CADPS: variants seen among roughly 807,000 people sequenced by gnomAD.
CADPS encodes calcium-dependent secretion activator 1.
Under a neutral mutation model 167.3 loss-of-function variants are expected in CADPS, and 57 were observed. That is an observed-to-expected ratio of 0.34 (90% CI 0.28 to 0.42). CADPS has a LOEUF of 0.42. Ranked by LOEUF, CADPS falls within the 20% of genes least tolerant of loss-of-function variation. The pLI is 1.00. For synonymous variants in CADPS, 676 were observed against 635.3 expected (o/e 1.06, Z -0.96); for missense variants, 1,414 against 1,738.1 (o/e 0.81, Z 3.32).
At chr3:62,826,384 T>C (rs2074038527) in intron 1 of CADPS, among the ~76,000 whole-genome samples, 1 of 152,162 alleles carries the variant, frequency 6.6e-6, no homozygotes, top group Non-Finnish European at 1.5e-5. Context: ...GTCCATTTCC[T>C]GGTTGTGATA....
At position 62,691,413 on chromosome 3, in the gene CADPS, T is replaced by C. The variant is rs1280912281; in HGVS notation, c.889-29019A>G. Among the ~76,000 whole-genome samples the C allele has an allele frequency of 2.0e-5, 3 of 152,108 alleles. No individual in the cohort carries two copies. The East Asian group carries it at 5.8e-4, about 30-fold the overall frequency. On this transcript the variant is annotated intron_variant, in intron 3 of 29. Coordinates refer to ENST00000383710, the MANE Select transcript of CADPS (RefSeq NM_003716.4). Reference sequence around the variant, plus strand: ...GGGATGTTGGTAGTAGGGGAGGCTGTGTCTGTGTAGGGGAAGGAGGAATAT... The same window carrying C: ...GGGATGTTGGTAGTAGGGGAGGCTGCGTCTGTGTAGGGGAAGGAGGAATAT...
intron 11 of CADPS, 95 bp downstream of exon 11, chr3:62,549,808 T>G: frequency 1.1e-6 from 1 of 946,602 alleles, no homozygotes; most frequent in South Asian, 1.7e-5. Flanking sequence ...ATTTTATAAA[T>G]TTTAAGTATA....
At chr3:62,741,413 A>G (rs1215194302) in intron 3 of CADPS, among the ~76,000 whole-genome samples, 1 of 152,220 alleles carries the variant, frequency 6.6e-6, no homozygotes, top group African/African-American at 2.4e-5. Context: ...CACATCAAAA[A>G]GCTAATCCAT....
intron 1 of CADPS, among the ~76,000 whole-genome samples, chr3:62,858,221 C>G (rs1559961918): frequency 6.6e-6 from 1 of 152,164 alleles, no homozygotes; most frequent in African/African-American, 2.4e-5. Context: ...TTATTGTCAT[C>G]AGGAACTCAA....
At chr3:62,746,720 G>T (rs1397161880) in intron 3 of CADPS, among the ~76,000 whole-genome samples, 1 of 152,134 alleles carries the variant, frequency 6.6e-6, no homozygotes, top group Non-Finnish European at 1.5e-5. Flanking sequence ...TGGATCTGGA[G>T]ATTCTACAGC....
intron 4 of CADPS, among the ~76,000 whole-genome samples, chr3:62,661,143 A>G (rs2073109626): frequency 6.6e-6 from 1 of 152,196 alleles, no homozygotes; most frequent in African/African-American, 2.4e-5. Context: ...GATAGCAATA[A>G]TGGTAGATAA....
chr3:62,821,108 A>G (rs1576880402), intron 1 of CADPS, among the ~76,000 whole-genome samples: 1 of 151,952 alleles, frequency 6.6e-6, no homozygotes, highest in East Asian at 1.9e-4. Flanking sequence ...CTTCTTCCTC[A>G]TCTTAAACAT....
chr3:62,484,402 A>G (rs917426217), intron 21 of CADPS, among the ~76,000 whole-genome samples: 3 of 152,198 alleles, frequency 2.0e-5, no homozygotes, highest in Non-Finnish European at 4.4e-5. Context: ...GCTGATGACT[A>G]TAATGAATTA....
At chr3:62,569,335 C>T (rs927554776) in intron 9 of CADPS, among the ~76,000 whole-genome samples, 3 of 152,214 alleles carry the variant, frequency 2.0e-5, no homozygotes, top group African/African-American at 7.2e-5. Flanking sequence ...CTCCTGATCT[C>T]AGGTGATCCA....
At chr3:62,758,646 C>T (rs1327406932) in intron 2 of CADPS, among the ~76,000 whole-genome samples, 3 of 152,184 alleles carry the variant, frequency 2.0e-5, no homozygotes, top group Non-Finnish European at 4.4e-5. Flanking sequence ...TTAGTGGCTG[C>T]CACAAGAGAC....
chr3:62,423,297 A>G (rs998589101), intron 28 of CADPS, among the ~76,000 whole-genome samples: 1 of 152,214 alleles, frequency 6.6e-6, no homozygotes, highest in Non-Finnish European at 1.5e-5. Flanking sequence ...ATTTTCATTA[A>G]GGGGTCTCTC....
intron 22 of CADPS, among the ~76,000 whole-genome samples, chr3:62,480,414 C>CT (rs1193614098): frequency 3.3e-5 from 5 of 151,996 alleles, no homozygotes; most frequent in Non-Finnish European, 7.4e-5. Flanking sequence ...TTTTTAGAAG[C>CT]TTTTTTTCAG....
At chr3:62,430,622 G>T (rs905256599) in intron 28 of CADPS, among the ~76,000 whole-genome samples, 4 of 151,934 alleles carry the variant, frequency 2.6e-5, no homozygotes, top group African/African-American at 9.7e-5. Flanking sequence ...GTTTTCCTCT[G>T]CCAAGGAAAC....
intron 13 of CADPS, among the ~76,000 whole-genome samples, chr3:62,518,505 G>A (rs1181475655): frequency 6.6e-6 from 1 of 152,200 alleles, no homozygotes; most frequent in African/African-American, 2.4e-5. Flanking sequence ...TGGCTTGAAG[G>A]TTAAGTCCAG....
chr3:62,442,063 AAAT>A (rs1408132719), intron 27 of CADPS, among the ~76,000 whole-genome samples: 1 of 152,214 alleles, frequency 6.6e-6, no homozygotes, highest in Non-Finnish European at 1.5e-5. Flanking sequence ...GCCCATTAAA[AAAT>A]AATAATAAAA....
In CADPS at chr3:62,515,983, T is replaced by C. The variant is rs1018694079; in HGVS notation, c.2581+76A>G. On this transcript the variant is annotated intron_variant, in intron 16 of 29. Coordinates refer to ENST00000383710, the MANE Select transcript of CADPS (RefSeq NM_003716.4). ...ACGGACCACTGTTTTCAGGTGCCCT[T>C]GAGAAAAGAGAAAGACTTCCCCAGG... 21 of 1,570,472 alleles carry C rather than the reference T, an allele frequency of 1.3e-5. No homozygotes were observed. The African/African-American group carries it at 2.4e-4, about 18-fold the overall frequency.
chr3:62,727,725 C>A (rs2077009298), intron 3 of CADPS, among the ~76,000 whole-genome samples: 1 of 151,642 alleles, frequency 6.6e-6, no homozygotes, highest in African/African-American at 2.4e-5. Context: ...GACAGAACTA[C>A]CATTCACTTA....
chr3:62,678,188 C>T (rs2076615154), intron 3 of CADPS, among the ~76,000 whole-genome samples: 1 of 151,994 alleles, frequency 6.6e-6, no homozygotes, highest in Non-Finnish European at 1.5e-5. Flanking sequence ...ACAATCCCCT[C>T]TCCTTGATTT....
intron 6 of CADPS, among the ~76,000 whole-genome samples, chr3:62,611,029 C>T (rs1424375103): frequency 6.6e-6 from 1 of 152,054 alleles, no homozygotes; most frequent in Non-Finnish European, 1.5e-5. Flanking sequence ...TGCTAAACAT[C>T]CTACAGGGCA....
Sources: gnomAD v4.1 joint callset for allele counts (sites outside exome capture counted in the v4.1 genomes callset) on GRCh38, gnomAD v4.1.1 for gene constraint, MANE v1.5 for transcripts, NCBI Gene and HGNC (gene_info 2026-07-23, HGNC 2026-07-21) for gene names.